Variants in ARHGAP29 observed in about 807,000 individuals in gnomAD.
ARHGAP29 encodes the protein Rho GTPase activating protein 29.
A neutral mutation model predicts 122.6 loss-of-function variants in ARHGAP29; 43 were observed. The ratio of observed to expected loss-of-function variants is 0.35; its 90% confidence interval spans 0.27 to 0.45. The LOEUF (loss-of-function observed/expected upper bound fraction) is 0.45. Among genes scored for constraint, ARHGAP29 ranks in the 20% least tolerant of loss-of-function variants. The pLI, the probability that ARHGAP29 is intolerant of heterozygous loss-of-function variation, is 1.00. For missense variants in ARHGAP29, 1,303 were observed against 1,477.2 expected (o/e 0.88, Z 1.93); for synonymous variants, 506 against 497.1 (o/e 1.02, Z -0.24).
At chr1:94,198,858 G>A (rs1321801606) in intron 12 of ARHGAP29, among the ~76,000 whole-genome samples, 2 of 152,180 alleles carry the variant, frequency 1.3e-5, no homozygotes, top group African/African-American at 4.8e-5. Flanking sequence ...CATTTTTATG[G>A]AAGGTCAAAG....
rs1003646421 is a variant in ARHGAP29 at position 94,224,938 on chromosome 1, T to A, written c.206-4546A>T. Among the ~76,000 whole-genome samples the A allele has an allele frequency of 2.0e-5, 3 of 152,166 alleles. No homozygotes were observed. The East Asian group carries it at 5.8e-4, about 29-fold the overall frequency. ...TTCAGAAGCTCCTTAAGTTACACTA[T>A]GAAGAATTCCAATTCCTGAAATTAA... On this transcript the variant is annotated intron_variant, in intron 2 of 22. Coordinates refer to ENST00000260526, the MANE Select transcript of ARHGAP29 (RefSeq NM_004815.4).
At chr1:94,269,529 T>C (rs1654908128) in intron 1 of ARHGAP29, among the ~76,000 whole-genome samples, 1 of 152,138 alleles carries the variant, frequency 6.6e-6, no homozygotes, top group Non-Finnish European at 1.5e-5. Context: ...GGTAATTGCT[T>C]GTGGTCAGAA....
intron 20 of ARHGAP29, 79 bp downstream of exon 20, chr1:94,179,646 T>C: frequency 1.1e-6 from 1 of 929,582 alleles, no homozygotes; most frequent in African/African-American, 1.7e-5. Flanking sequence ...AATTTTGTTA[T>C]GTGGATTTTA....
chr1:94,279,306 T>C (rs1446871637), upstream of ARHGAP29, among the ~76,000 whole-genome samples: 4 of 152,204 alleles, frequency 2.6e-5, no homozygotes, highest in South Asian at 4.1e-4. Context: ...CCATGCCCCT[T>C]TGTCTGTGCT....
chr1:94,239,650 TAAGG>T (rs1653500575), upstream of ARHGAP29, among the ~76,000 whole-genome samples: 2 of 147,570 alleles, frequency 1.4e-5, no homozygotes, highest in South Asian at 4.4e-4. Context: ...TGGAGAGAGA[TAAGG>T]AAGATAAAAG....
At chr1:94,195,505 C>A (rs904831249) in intron 12 of ARHGAP29, 1 of 151,764 alleles carries the variant, frequency 6.6e-6, no homozygotes, top group Non-Finnish European at 1.5e-5. Flanking sequence ...TATGAAGATA[C>A]ATAATAAAAA....
chr1:94,179,556 G>T (rs1350151748), intron 20 of ARHGAP29, among the ~76,000 whole-genome samples, 169 bp downstream of exon 20: 2 of 124,938 alleles, frequency 1.6e-5, no homozygotes, highest in South Asian at 2.5e-4. Flanking sequence ...TTGTGCTGCT[G>T]CACCCCAGCC....
chr1:94,198,698 G>C (rs1650624376), intron 12 of ARHGAP29, among the ~76,000 whole-genome samples: 1 of 152,052 alleles, frequency 6.6e-6, no homozygotes, highest in Admixed American at 6.5e-5. Context: ...AGTAGTTGGA[G>C]AGACATAATA....
intron 5 of ARHGAP29, among the ~76,000 whole-genome samples, chr1:94,207,667 C>A (rs938614708): frequency 6.6e-6 from 1 of 152,092 alleles, no homozygotes; most frequent in African/African-American, 2.4e-5. Flanking sequence ...TTTCATCATT[C>A]TCCTCCATTT....
intron 7 of ARHGAP29, among the ~76,000 whole-genome samples, chr1:94,204,655 A>G (rs898052584): frequency 6.6e-5 from 10 of 152,258 alleles, no homozygotes; most frequent in Admixed American, 5.2e-4. Context: ...AGTAAATAAG[A>G]TAATGACTAC....
At position 94,237,565 on chromosome 1, in the gene ARHGAP29, C is replaced by CCACAGG; in HGVS notation, c.-189_-184dup. The CCACAGG allele has an allele frequency of 1.0e-6, 1 of 991,820 alleles. No homozygotes were observed. Among genetic ancestry groups the CCACAGG allele is most frequent in the Non-Finnish European group, 1.2e-6 (1 of 834,730 alleles). The allele number at this position is 991,820 out of a possible 1,614,324, so 61.4% of individuals were successfully genotyped here. On this transcript the variant is annotated 5_prime_UTR_variant, in exon 1 of 23. Transcript: ENST00000260526. ...GCCGCAGCCGCAGCCGCAGCCACAG[C>CCACAGG]CACAGGCACCACCACCACTGCAGCC...
chr1:94,231,765 C>A lies in ARHGAP29; in HGVS notation c.-32-122G>T, dbSNP rs558626387. On this transcript the variant is annotated intron_variant, in intron 1 of 22. Transcript: ENST00000260526. ...AACAGCCCACAGCTCACCTTGGTAT[C>A]CTATTTTTAAATTTTTAAAAATCAA... 9 of 677,876 alleles carry A rather than the reference C, an allele frequency of 1.3e-5. No individual in the cohort carries two copies. In the African/African-American group the frequency reaches 1.6e-4, roughly 12 times the overall value. 42.0% of individuals were successfully genotyped at this position (677,876 alleles called of 1,614,324 possible).
chr1:94,227,819 T>C lies in ARHGAP29; in HGVS notation c.205+3588A>G, dbSNP rs576244006. On this transcript the variant is annotated intron_variant, in intron 2 of 22. Coordinates refer to ENST00000260526, the MANE Select transcript of ARHGAP29 (RefSeq NM_004815.4). ...TGAATTGGTACTTACACTGCACATATATTAATCTACAGTGTTATAATTAAA... is the reference window on the plus strand; with the variant it reads ...TGAATTGGTACTTACACTGCACATACATTAATCTACAGTGTTATAATTAAA... Among the ~76,000 whole-genome samples the C allele has an allele frequency of 2.0e-5, 3 of 151,942 alleles. No individual in the cohort carries two copies. In the South Asian group the frequency reaches 6.2e-4, roughly 31 times the overall value.
chr1:94,174,321 G>C lies in ARHGAP29; in HGVS notation c.3334C>G (p.Gln1112Glu), dbSNP rs1474549861. ...TTGATAGAATGGTCCCCACTAATCTGGAGGCTTGTTGTCACTCCTTTTTCC... is the reference window on the plus strand; with the variant it reads ...TTGATAGAATGGTCCCCACTAATCTCGAGGCTTGTTGTCACTCCTTTTTCC... ...LQEKGVTTSL[Q>E]ISGDHSINAT... The change falls in exon 23 of 23, where the codon CAG (glutamine) becomes GAG (glutamate). Residue 1112 changes from glutamine to glutamate, a missense_variant. Around this residue, in one of 3 missense-constraint regions of ARHGAP29, gnomAD observed 620 missense variants for 651.2 expected, o/e 0.95. Coordinates refer to ENST00000260526, the MANE Select transcript of ARHGAP29 (RefSeq NM_004815.4). The C allele has an allele frequency of 6.2e-7, 1 of 1,614,140 alleles. No homozygotes were observed. The highest frequency in any genetic ancestry group is 1.3e-5 in the African/African-American group (1 of 75,030).
intron 1 of ARHGAP29, among the ~76,000 whole-genome samples, chr1:94,251,400 A>G (rs371700309): frequency 6.6e-6 from 1 of 151,930 alleles, no homozygotes; most frequent in South Asian, 2.1e-4. Flanking sequence ...CGGCCCCCCA[A>G]AGTGCTGGGA....
intron 12 of ARHGAP29, among the ~76,000 whole-genome samples, chr1:94,199,107 G>A (rs993928522): frequency 6.6e-6 from 1 of 152,158 alleles, no homozygotes; most frequent in Non-Finnish European, 1.5e-5. Flanking sequence ...TGGGCACTGG[G>A]GGAGGGATAG....
chr1:94,310,432 G>A, the ARHGAP29 span, among the ~76,000 whole-genome samples: 15 of 152,190 alleles, frequency 9.9e-5, no homozygotes, highest in Non-Finnish European at 1.9e-4. Flanking sequence ...AGCGTGCTCA[G>A]TAGAAAGCAA....
At position 94,202,550 on chromosome 1, in the gene ARHGAP29, G is replaced by A. The variant is rs536596630; in HGVS notation, c.1137C>T (p.Leu379=). The A allele has an allele frequency of 3.7e-5, 59 of 1,613,122 alleles. No homozygotes were observed. The highest frequency in any genetic ancestry group is 4.8e-5 in the Non-Finnish European group (57 of 1,179,846). ...AAAAGAAAAAGATCGTTACTTTTTG[G>A]AGAGCCTCCTCTTCCAACCTTCGCT... ...EKKRRLEEEA[L]QKVEEANELY... is the part of the protein sequence containing the mutation. Residue 379 remains leucine, a synonymous_variant, in exon 11 of 23, where the codon CTC becomes CTT. Transcript: ENST00000260526.
chr1:94,180,617 C>T (rs1649394296), intron 19 of ARHGAP29, among the ~76,000 whole-genome samples: 1 of 152,124 alleles, frequency 6.6e-6, no homozygotes, highest in South Asian at 2.1e-4. Flanking sequence ...GTAGGTGCCC[C>T]TTTCTCTGGT....
Sources: gnomAD v4.1 joint callset for allele counts (sites outside exome capture counted in the v4.1 genomes callset) on GRCh38, gnomAD v4.1.1 for gene constraint, gnomAD v4.1.1 regional missense constraint, MANE v1.5 for transcripts, NCBI Gene and HGNC (gene_info 2026-07-23, HGNC 2026-07-21) for gene names.